KCNJ10: variants seen among roughly 807,000 people sequenced by gnomAD.
KCNJ10 encodes potassium inwardly rectifying channel subfamily J member 10.
In KCNJ10, 9 loss-of-function variants were observed where a neutral mutation model predicts 22.2. That is an observed-to-expected ratio of 0.40 (90% CI 0.24 to 0.71). The LOEUF is 0.71. Among genes scored for constraint, KCNJ10 ranks in the 30% least tolerant of loss-of-function variants. The pLI is 0.35. For missense variants in KCNJ10, 337 were observed against 482.7 expected, an observed-to-expected ratio of 0.70 and a Z score of 2.83; for synonymous variants, 184 against 187.3, an observed-to-expected ratio of 0.98 and a Z score of 0.15.
rs377683970 is a variant in KCNJ10, at chr1:160,059,534, A to ACCACAG, written c.-1+10482_-1+10487dup. ...ATCCACAGAAACTCTTCCCCAGCCA[A>ACCACAG]CCACAGCCACAGCCACAGCCCATTA... On this transcript the variant is annotated intron_variant, in intron 1 of 1. Transcript: ENST00000644903. Among the ~76,000 whole-genome samples, 36 of 152,210 alleles carry ACCACAG rather than the reference A, an allele frequency of 2.4e-4. 2 individuals are homozygous for ACCACAG. The South Asian group carries it at 6.8e-3, about 29-fold the overall frequency.
chr1:160,065,969 G>A (rs1282037441), intron 1 of KCNJ10, among the ~76,000 whole-genome samples: 1 of 152,058 alleles, frequency 6.6e-6, no homozygotes, highest in African/African-American at 2.4e-5. Flanking sequence ...CACAAGAAGA[G>A]AAGGGCATAT....
rs993122516 is a variant in KCNJ10 at position 160,037,566 on chromosome 1, C to A, written c.*3827G>T. On this transcript the variant is annotated 3_prime_UTR_variant, in exon 2 of 2. Coordinates refer to ENST00000644903, the MANE Select transcript of KCNJ10 (RefSeq NM_002241.5). Reference sequence around the variant, plus strand: ...CTTTTTTTTCCTAGATAAATTTGACCTGGTTTAGTCTTTAGTGCAATGAAT... The same window carrying A: ...CTTTTTTTTCCTAGATAAATTTGACATGGTTTAGTCTTTAGTGCAATGAAT... 1.4e-4 allele frequency: 22 copies of A among 151,982 alleles called. No homozygotes were observed. The highest frequency in any genetic ancestry group is 5.1e-4 in the African/African-American group (21 of 41,338). The allele number at this position is 151,982 out of a possible 1,614,324, so 9.4% of individuals were successfully genotyped here.
intron 1 of KCNJ10, among the ~76,000 whole-genome samples, chr1:160,059,235 C>T (rs1272798082): frequency 6.6e-6 from 1 of 152,220 alleles, no homozygotes; most frequent in Non-Finnish European, 1.5e-5. Flanking sequence ...CAACTTGCTA[C>T]TGGACTGTGT....
chr1:160,041,084 C>T lies in KCNJ10; in HGVS notation c.*309G>A. On this transcript the variant is annotated 3_prime_UTR_variant, in exon 2 of 2. Transcript: ENST00000644903. The surrounding 1 kb of genome is among the most constrained non-coding windows in gnomAD (Gnocchi z 4.4). ...AGTCTATCCTTCCAACCACATGGTC[C>T]TCCTAATGTGAGTATCCAAGCATGG... 1 of 444,094 alleles carries T rather than the reference C, an allele frequency of 2.3e-6. No homozygotes were observed. Among genetic ancestry groups the T allele is most frequent in the Non-Finnish European group, 4.2e-6 (1 of 240,380 alleles). The allele number at this position is 444,094 out of a possible 1,614,324, so 27.5% of individuals were successfully genotyped here. A position where few individuals can be genotyped will look rare whatever the true frequency, so the allele number is the denominator to read the frequency against.
chr1:160,043,272 A>ACACACAC (rs1553235192), intron 1 of KCNJ10, among the ~76,000 whole-genome samples: 5,926 of 132,668 alleles, frequency 0.045, 267 homozygotes, highest in East Asian at 0.058. Flanking sequence ...TCCCCCTTAA[A>ACACACAC]ACACACACAC....
intron 1 of KCNJ10, chr1:160,067,891 G>C (rs1021609383): frequency 3.3e-5 from 5 of 152,062 alleles, no homozygotes; most frequent in African/African-American, 1.2e-4. Context: ...AATGACTCCA[G>C]AGGACTTCAT....
intron 1 of KCNJ10, among the ~76,000 whole-genome samples, chr1:160,046,813 C>T (rs534813912): frequency 1.3e-5 from 2 of 152,286 alleles, no homozygotes; most frequent in South Asian, 2.1e-4. Context: ...TCATCTGTTG[C>T]GCACCCCACC....
At chr1:160,054,845 C>T (rs1295479837) in intron 1 of KCNJ10, among the ~76,000 whole-genome samples, 1 of 152,214 alleles carries the variant, frequency 6.6e-6, no homozygotes, top group Non-Finnish European at 1.5e-5. Context: ...AGTGTACCCC[C>T]ACCCCTAGTC....
At chr1:160,065,577 G>A (rs973275389) in intron 1 of KCNJ10, among the ~76,000 whole-genome samples, 3 of 152,110 alleles carry the variant, frequency 2.0e-5, no homozygotes, top group African/African-American at 4.8e-5. Flanking sequence ...AGAGATCTGC[G>A]GGAGGGGTGA....
At chr1:160,046,250 T>C (rs1648739022) in intron 1 of KCNJ10, among the ~76,000 whole-genome samples, 1 of 152,202 alleles carries the variant, frequency 6.6e-6, no homozygotes, top group Non-Finnish European at 1.5e-5. Context: ...TAATTCCTTC[T>C]CACTTTAAAA....
intron 1 of KCNJ10, among the ~76,000 whole-genome samples, chr1:160,058,666 C>T (rs1052463126): frequency 6.6e-6 from 1 of 151,834 alleles, no homozygotes; most frequent in Non-Finnish European, 1.5e-5. Flanking sequence ...GTGGAGGGAC[C>T]CTATCTCTGA....
intron 1 of KCNJ10, chr1:160,062,344 C>G (rs1330312241): frequency 6.6e-6 from 1 of 152,306 alleles, no homozygotes; most frequent in Non-Finnish European, 1.5e-5. Context: ...TGCCCCGGAG[C>G]CGCCTCAATG....
chr1:160,058,007 G>A (rs959572203), intron 1 of KCNJ10, among the ~76,000 whole-genome samples: 9 of 152,120 alleles, frequency 5.9e-5, no homozygotes, highest in Admixed American at 5.9e-4. Flanking sequence ...TGTTTCATCA[G>A]CTCTGTGCCT....
Position 160,041,320 on chromosome 1 carries a change from G to T in KCNJ10, c.*73C>A. ...GCTTCGGGGGATCTCCAGTAAACCC[G>T]GGTAGTATTCCTTACCAGGGCATTG... On this transcript the variant is annotated 3_prime_UTR_variant, in exon 2 of 2. Coordinates refer to ENST00000644903, the MANE Select transcript of KCNJ10 (RefSeq NM_002241.5). The surrounding 1 kb of genome is among the most constrained non-coding windows in gnomAD (Gnocchi z 4.4). 2 of 1,427,126 alleles carry T rather than the reference G, an allele frequency of 1.4e-6. No homozygotes were observed. Among genetic ancestry groups the T allele is most frequent in the Non-Finnish European group, 9.7e-7 (1 of 1,027,152 alleles). The allele number at this position is 1,427,126 out of a possible 1,614,324, so 88.4% of individuals were successfully genotyped here. A position where few individuals can be genotyped will look rare whatever the true frequency, so the allele number is the denominator to read the frequency against.
chr1:160,048,193 G>A (rs1407424321), intron 1 of KCNJ10, among the ~76,000 whole-genome samples: 3 of 152,278 alleles, frequency 2.0e-5, no homozygotes, highest in Non-Finnish European at 4.4e-5. Flanking sequence ...GAAAGAGTAA[G>A]GGAATGACTG....
chr1:160,042,625 T>A, intron 1 of KCNJ10, 93 bp from the exon 2 acceptor site: 6 of 1,095,592 alleles, frequency 5.5e-6, no homozygotes, highest in Non-Finnish European at 8.3e-6. Context: ...TAACATTCAT[T>A]TGAATGTCGC....
rs1557970334 is a variant in KCNJ10 at position 160,049,678 on chromosome 1, TATATA to T, written c.1-7151_1-7147del. Among the ~76,000 whole-genome samples, 164 of 51,986 alleles carry T rather than the reference TATATA, an allele frequency of 3.2e-3. 5 individuals carry two copies. The highest frequency in any genetic ancestry group is 0.019 in the Middle Eastern group (2 of 104). 34.1% of individuals were successfully genotyped at this position (51,986 alleles called of 152,430 possible). A position where few individuals can be genotyped will look rare whatever the true frequency, so the allele number is the denominator to read the frequency against. ...AAGGATCCAGCATTTTATTTATTTA[TATATA>T]TATATATATATATATATATATATAT... is the stretch of plus-strand genomic sequence containing the variant. On this transcript the variant is annotated intron_variant, in intron 1 of 1. Coordinates refer to ENST00000644903, the MANE Select transcript of KCNJ10 (RefSeq NM_002241.5).
Position 160,052,832 on chromosome 1 carries a change from A to G in KCNJ10, c.1-10300T>C, listed in dbSNP as rs551066810. Reference sequence around the variant, plus strand: ...AGTTTCACACTTCTCAAACTAGGGCATACACTAGTATGTCAGGAGGCACTC... The same window carrying G: ...AGTTTCACACTTCTCAAACTAGGGCGTACACTAGTATGTCAGGAGGCACTC... On this transcript the variant is annotated intron_variant, in intron 1 of 1. Coordinates refer to ENST00000644903, the MANE Select transcript of KCNJ10 (RefSeq NM_002241.5). 3.0e-4 allele frequency among the ~76,000 whole-genome samples: 45 copies of G among 152,326 alleles called. No individual in the cohort carries two copies. The South Asian group carries it at 8.3e-3, about 28-fold the overall frequency.
rs771847131 is a variant in KCNJ10, at chr1:160,042,104, G to A, written c.429C>T (p.Ala143=). 2 of 1,555,850 alleles carry A rather than the reference G, an allele frequency of 1.3e-6. No homozygotes were observed. The highest frequency in any genetic ancestry group is 4.5e-5 in the East Asian group (2 of 44,394). ...FRYISEECPL[A]IVLLIAQLVL... ...CCAGCTGGGCAATAAGAAGCACAATGGCCAGTGGACATTCCTCACTGATGT... is the reference window on the plus strand; with the variant it reads ...CCAGCTGGGCAATAAGAAGCACAATAGCCAGTGGACATTCCTCACTGATGT... The change falls in exon 2 of 2, where the codon GCC becomes GCT. Residue 143 remains alanine (A), a synonymous_variant. Transcript: ENST00000644903.
Sources: allele counts gnomAD v4.1 joint callset (sites outside exome capture counted in the v4.1 genomes callset), GRCh38; gene constraint gnomAD v4.1.1; non-coding constraint Gnocchi (gnomAD v3.1); transcripts MANE v1.5; gene names NCBI Gene and HGNC (gene_info 2026-07-23, HGNC 2026-07-21).